FGD3: variants seen among roughly 807,000 people sequenced by gnomAD.
The protein encoded by FGD3 is FYVE, RhoGEF and PH domain containing 3.
In FGD3, 45 loss-of-function variants were observed where a neutral mutation model predicts 71.8. The observed-to-expected ratio is 0.63, with a 90% CI of 0.49 to 0.80. The LOEUF is 0.80. Among genes scored for constraint, FGD3 ranks in the 30% least tolerant of loss-of-function variants. The pLI is 0.00. For synonymous variants in FGD3, 378 were observed against 392.8 expected (o/e 0.96, Z 0.44); for missense variants, 844 against 951.5 (o/e 0.89, Z 1.49).
chr9:92,947,961 G>A (rs1461637530), intron 1 of FGD3, among the ~76,000 whole-genome samples: 1 of 152,116 alleles, frequency 6.6e-6, no homozygotes, highest in Non-Finnish European at 1.5e-5. Context: ...AGACTGAGCT[G>A]AAGAAAACCA....
At chr9:92,971,561 C>CTTTTTT (rs1318618124) in intron 1 of FGD3, among the ~76,000 whole-genome samples, 2 of 63,286 alleles carry the variant, frequency 3.2e-5, no homozygotes, top group African/African-American at 6.3e-5. Context: ...CTTTTCTTTT[C>CTTTTTT]TTTTCTTTTT....
chr9:93,025,330 C>T (rs1197926004), intron 14 of FGD3, among the ~76,000 whole-genome samples: 1 of 152,220 alleles, frequency 6.6e-6, no homozygotes, highest in African/African-American at 2.4e-5. Flanking sequence ...GACCTCAGCT[C>T]CAGCCCAGGG....
intron 14 of FGD3, among the ~76,000 whole-genome samples, chr9:93,026,664 C>T (rs1303582476): frequency 6.6e-6 from 1 of 152,238 alleles, no homozygotes; most frequent in Non-Finnish European, 1.5e-5. Context: ...CCAGAATTGT[C>T]CTCTGTCCCT....
In FGD3 at chr9:93,022,634, G is replaced by C. The variant is rs555242645; in HGVS notation, c.1557+245G>C. On this transcript the variant is annotated intron_variant, in intron 14 of 17. Transcript: ENST00000375482. ...GCAGGGGACTCTGTAAGGTGGGCAC[G>C]CAGAGGCCTGTCAGTGTGGGGATGT... Among the ~76,000 whole-genome samples, 15 of 152,250 alleles carry C rather than the reference G, an allele frequency of 9.9e-5. No individual in the cohort carries two copies. The South Asian group carries it at 3.1e-3, about 32-fold the overall frequency.
intron 5 of FGD3, among the ~76,000 whole-genome samples, chr9:93,005,798 G>C (rs13300085): frequency 0.6 from 90,772 of 152,016 alleles, 27,505 homozygotes; most frequent in Middle Eastern, 0.71. Context: ...TTGCAGCTTG[G>C]ACTTTTAACT....
At chr9:92,958,020 A>T (rs140223569) in intron 1 of FGD3, among the ~76,000 whole-genome samples, 144 of 146,478 alleles carry the variant, frequency 9.8e-4, no homozygotes, top group African/African-American at 3.5e-3. Context: ...TTTTTTTGAG[A>T]CAGGGTCTCA....
At chr9:93,019,099 C>T (rs1348572974) in intron 11 of FGD3, among the ~76,000 whole-genome samples, 19 of 152,210 alleles carry the variant, frequency 1.2e-4, no homozygotes, top group Non-Finnish European at 1.5e-5. Flanking sequence ...TCCACACCCC[C>T]TCGGCCTCCC....
intron 1 of FGD3, among the ~76,000 whole-genome samples, chr9:92,966,737 A>G (rs1480951574): frequency 6.6e-6 from 1 of 152,208 alleles, no homozygotes; most frequent in African/African-American, 2.4e-5. Context: ...AGCCTCAGAA[A>G]GGGACACTAA....
chr9:93,027,970 C>T (rs917471755), intron 14 of FGD3, among the ~76,000 whole-genome samples: 1 of 152,098 alleles, frequency 6.6e-6, no homozygotes, highest in Non-Finnish European at 1.5e-5. Flanking sequence ...CCTCCCGCCT[C>T]AGCCTCCCAA....
rs769734015 is a variant in FGD3, at chr9:93,012,186, CA to C, written c.1035+915del. Among the ~76,000 whole-genome samples, 13 of 151,564 alleles carry C rather than the reference CA, an allele frequency of 8.6e-5. No homozygotes were observed. The East Asian group carries it at 2.3e-3, about 27-fold the overall frequency. On this transcript the variant is annotated intron_variant, in intron 8 of 17. Coordinates refer to ENST00000375482, the MANE Select transcript of FGD3 (RefSeq NM_001083536.2). ...AAAAAAAAAAATGTATAACAAAAAC[CA>C]GGGGGAAAAAAAGGAATTTCCTTTG... is the stretch of plus-strand genomic sequence containing the variant.
At chr9:93,025,554 C>T (rs1230325611) in intron 14 of FGD3, among the ~76,000 whole-genome samples, 1 of 152,240 alleles carries the variant, frequency 6.6e-6, no homozygotes, top group Non-Finnish European at 1.5e-5. Flanking sequence ...TCATCAACAA[C>T]AGTGATTTTT....
intron 1 of FGD3, among the ~76,000 whole-genome samples, chr9:92,972,287 A>G (rs930308183): frequency 6.6e-6 from 1 of 150,742 alleles, no homozygotes; most frequent in Non-Finnish European, 1.5e-5. Context: ...CATCTCTACT[A>G]AAAAAAATAC....
At chr9:92,974,415 C>T (rs554636690) in intron 1 of FGD3, 1 of 152,386 alleles carries the variant, frequency 6.6e-6, no homozygotes, top group African/African-American at 2.4e-5. Context: ...TCATAAATGC[C>T]CACCTGAGCG....
In FGD3 at chr9:92,999,195, G is replaced by C. The variant is rs764704106; in HGVS notation, c.454-3730G>C. On this transcript the variant is annotated intron_variant, in intron 3 of 17. Coordinates refer to ENST00000375482, the MANE Select transcript of FGD3 (RefSeq NM_001083536.2). ...TGGTGGACGCCCCTCCCCCAGCCTC[G>C]CTGCTGCCTTGCAGTTCAATCTCAG... Among the ~76,000 whole-genome samples the C allele has an allele frequency of 2.6e-5, 4 of 152,166 alleles. No individual in the cohort carries two copies. The East Asian group carries it at 7.7e-4, about 29-fold the overall frequency.
Position 93,032,809 on chromosome 9 carries a change from G to A in FGD3, c.1721G>A (p.Ser574Asn), listed in dbSNP as rs1862406725. ...GKCSEFKAEN[S>N]RQSRVCRDCF... is the part of the protein sequence containing the mutation. ...TGCTCCGAGTTCAAGGCCGAGAACA[G>A]CCGGCAGAGCCGTGTCTGCAGAGAT... The change falls in exon 16 of 18, where the codon AGC (serine) becomes AAC (asparagine). Residue 574 changes from serine (S) to asparagine (N), a missense_variant. Ser to Asn is a conservative substitution (Grantham distance 46, BLOSUM62 1). Coordinates refer to ENST00000375482, the MANE Select transcript of FGD3 (RefSeq NM_001083536.2). 6.2e-7 allele frequency: 1 copy of A among 1,614,252 alleles called. No homozygotes were observed. Among genetic ancestry groups the A allele is most frequent in the South Asian group, 1.1e-5 (1 of 91,088 alleles).
At chr9:93,024,047 C>T (rs534611144) in intron 14 of FGD3, among the ~76,000 whole-genome samples, 7 of 152,164 alleles carry the variant, frequency 4.6e-5, no homozygotes, top group Admixed American at 1.3e-4. Context: ...GTGATCCGCC[C>T]GCCTCAGCTG....
chr9:93,020,269 T>A, intron 12 of FGD3, 48 bp from the exon 13 acceptor site: 1 of 1,539,876 alleles, frequency 6.5e-7, no homozygotes, highest in Non-Finnish European at 8.8e-7. Context: ...GTGGGTAGCA[T>A]CCTCCCATGC....
chr9:93,016,428 C>T (rs1157190144), intron 10 of FGD3, among the ~76,000 whole-genome samples: 2 of 151,520 alleles, frequency 1.3e-5, no homozygotes, highest in Non-Finnish European at 2.9e-5. Flanking sequence ...ACCTCCACCT[C>T]CTGGGTTCAA....
chr9:92,962,003 G>T (rs757596334), intron 1 of FGD3, among the ~76,000 whole-genome samples: 4 of 152,204 alleles, frequency 2.6e-5, no homozygotes, highest in African/African-American at 9.6e-5. Context: ...TTCACAGTGG[G>T]AGAGGCAGAT....
Sources: allele counts gnomAD v4.1 joint callset (sites outside exome capture counted in the v4.1 genomes callset), GRCh38; gene constraint gnomAD v4.1.1; transcripts MANE v1.5; gene names NCBI Gene and HGNC (gene_info 2026-07-23, HGNC 2026-07-21).